Variants in RASGRF1 observed in about 807,000 individuals in gnomAD.
RASGRF1 encodes the protein ras-specific guanine nucleotide-releasing factor 1.
RASGRF1 carries 40 observed loss-of-function variants against 138.7 expected under a neutral mutation model. The ratio of observed to expected loss-of-function variants is 0.29; its 90% confidence interval spans 0.22 to 0.38. The LOEUF is 0.38. Among genes scored for constraint, RASGRF1 ranks in the 10% least tolerant of loss-of-function variants. RASGRF1 has a pLI of 1.00. For synonymous variants in RASGRF1, 614 were observed against 663.2 expected, an observed-to-expected ratio of 0.93 and a Z score of 1.14; for missense variants, 1,108 against 1,650.4, an observed-to-expected ratio of 0.67 and a Z score of 5.69.
intron 22 of RASGRF1, among the ~76,000 whole-genome samples, chr15:78,988,518 C>A (rs1262770945): frequency 6.6e-6 from 1 of 152,216 alleles, no homozygotes; most frequent in Non-Finnish European, 1.5e-5. Context: ...GCCTAGGAGG[C>A]CCCAAAGGGC....
At chr15:79,069,157 C>A (rs1257323759) in intron 1 of RASGRF1, among the ~76,000 whole-genome samples, 1 of 152,158 alleles carries the variant, frequency 6.6e-6, no homozygotes, top group Non-Finnish European at 1.5e-5. Context: ...ACTCTAGAAC[C>A]CTGCACAGAG....
intron 8 of RASGRF1, among the ~76,000 whole-genome samples, chr15:79,028,532 C>T (rs928566826): frequency 1.3e-5 from 2 of 152,052 alleles, no homozygotes; most frequent in Non-Finnish European, 2.9e-5. Context: ...TGTAATACCC[C>T]TCCTCTCCAA....
At chr15:79,062,199 C>T (rs778821600) in intron 2 of RASGRF1, among the ~76,000 whole-genome samples, 29 of 152,218 alleles carry the variant, frequency 1.9e-4, no homozygotes, top group Non-Finnish European at 3.8e-4. Context: ...AGTTAGAATT[C>T]TATAATACTT....
chr15:79,090,144 C>A, intron 1 of RASGRF1, 79 bp downstream of exon 1: 2 of 1,456,340 alleles, frequency 1.4e-6, no homozygotes, highest in Non-Finnish European at 1.8e-6. Flanking sequence ...AGTTCAAGCG[C>A]CATCAGCCAG....
At chr15:78,990,162 G>A (rs1481991373) in intron 22 of RASGRF1, 27 bp downstream of exon 22, 6 of 1,527,280 alleles carry the variant, frequency 3.9e-6, no homozygotes, top group Admixed American at 1.7e-5. Context: ...AAACCCCAGT[G>A]AGAGAGGCGC....
intron 5 of RASGRF1, among the ~76,000 whole-genome samples, chr15:79,041,361 G>A (rs1386753451): frequency 3.3e-5 from 5 of 152,160 alleles, no homozygotes; most frequent in Non-Finnish European, 4.4e-5. Flanking sequence ...GTGCACAGCT[G>A]GTGCAGCTGT....
In RASGRF1 at chr15:78,973,040, G is replaced by A. The variant is rs1300684603; in HGVS notation, c.3612+263C>T. 3.3e-5 allele frequency among the ~76,000 whole-genome samples: 5 copies of A among 152,184 alleles called. No homozygotes were observed. The highest frequency in any genetic ancestry group is 3.3e-4 in the Admixed American group (5 of 15,274). On this transcript the variant is annotated intron_variant, in intron 25 of 26. Coordinates refer to ENST00000558480, the MANE Select transcript of RASGRF1 (RefSeq NM_001145648.3). The surrounding 1 kb of genome is among the most constrained non-coding windows in gnomAD (Gnocchi z 4.9). ...GCCTCAGTCTGCTCATCTGAAAGGT[G>A]CAGAATAAGAAGAGCAGCTACCTCT...
At chr15:79,041,668 G>A (rs1230002242) in intron 5 of RASGRF1, among the ~76,000 whole-genome samples, 1 of 152,168 alleles carries the variant, frequency 6.6e-6, no homozygotes, top group East Asian at 1.9e-4. Context: ...ATTTTGCCTG[G>A]TTCCCTCCCT....
chr15:79,088,476 C>G (rs1218725404), intron 1 of RASGRF1, among the ~76,000 whole-genome samples: 1 of 152,212 alleles, frequency 6.6e-6, no homozygotes, highest in African/African-American at 2.4e-5. Context: ...TGAAGTCACA[C>G]AGCCAGGAAG....
In RASGRF1 at chr15:78,998,268, C is replaced by T. The variant is rs943536803; in HGVS notation, c.2854-60G>A. Reference sequence around the variant, plus strand: ...TGTTTTTGAGCTGCTCTGCAGTGGTCTGGGCCCAGGCCAGAGGAAGGAGCT... The same window carrying T: ...TGTTTTTGAGCTGCTCTGCAGTGGTTTGGGCCCAGGCCAGAGGAAGGAGCT... On this transcript the variant is annotated intron_variant, in intron 18 of 26. Coordinates refer to ENST00000558480, the MANE Select transcript of RASGRF1 (RefSeq NM_001145648.3). 3.6e-6 allele frequency: 5 copies of T among 1,401,060 alleles called. No homozygotes were observed. The African/African-American group carries it at 7.1e-5, about 20-fold the overall frequency. 86.8% of individuals were successfully genotyped at this position (1,401,060 alleles called of 1,614,324 possible).
Position 79,003,983 on chromosome 15 carries a change from C to T in RASGRF1, c.2268G>A (p.Leu756=). The T allele has an allele frequency of 6.2e-7, 1 of 1,614,128 alleles. No homozygotes were observed. Among genetic ancestry groups the T allele is most frequent in the Non-Finnish European group, 8.5e-7 (1 of 1,180,010 alleles). Reference sequence around the variant, plus strand: ...CATTGGAGTTGCAGCTGAGGGCGGCCAGGTCCAGGGCCTTGCCGCCAGTGA... The same window carrying T: ...CATTGGAGTTGCAGCTGAGGGCGGCTAGGTCCAGGGCCTTGCCGCCAGTGA... ...PIITGGKALD[L]AALSCNSNGY... The change falls in exon 15 of 27, where the codon CTG becomes CTA. Residue 756 remains leucine (L), a synonymous_variant. Coordinates refer to ENST00000558480, the MANE Select transcript of RASGRF1 (RefSeq NM_001145648.3).
chr15:79,063,449 T>C (rs2057635667), intron 2 of RASGRF1, among the ~76,000 whole-genome samples: 1 of 152,240 alleles, frequency 6.6e-6, no homozygotes, highest in African/African-American at 2.4e-5. Context: ...CACACATACT[T>C]TTAACTTGTC....
intron 5 of RASGRF1, among the ~76,000 whole-genome samples, chr15:79,039,839 G>A (rs996771501): frequency 1.1e-4 from 16 of 150,454 alleles, no homozygotes; most frequent in African/African-American, 3.4e-4. Context: ...GTGTGATCTC[G>A]GCTCACTGTA....
intron 1 of RASGRF1, among the ~76,000 whole-genome samples, chr15:79,076,042 G>T (rs550491206): frequency 6.6e-6 from 1 of 152,342 alleles, no homozygotes; most frequent in Admixed American, 6.5e-5. Flanking sequence ...CAACATGCAT[G>T]TCAGCTGTAT....
Position 79,017,911 on chromosome 15 carries a change from C to T in RASGRF1, c.1607-5G>A. 1 of 1,611,516 alleles carries T rather than the reference C, an allele frequency of 6.2e-7. No homozygotes were observed. Among genetic ancestry groups the T allele is most frequent in the Non-Finnish European group, 8.5e-7 (1 of 1,179,250 alleles). On this transcript the variant is annotated splice_region_variant and splice_polypyrimidine_tract_variant and intron_variant, in intron 11 of 26. Coordinates refer to ENST00000558480, the MANE Select transcript of RASGRF1 (RefSeq NM_001145648.3). ...TGTCTTGGCCGGATCCTTTGGCTTC[C>T]AGTTGTAAAACATAAAGTTAGCAGC...
chr15:79,024,983 AACAC>A lies in RASGRF1; in HGVS notation c.1542+327_1542+330del, dbSNP rs1295992981. Among the ~76,000 whole-genome samples the A allele has an allele frequency of 6.6e-5, 10 of 151,626 alleles. No individual in the cohort carries two copies. The South Asian group carries it at 2.1e-3, about 32-fold the overall frequency. ...AAAACACCACACATACATACACACA[AACAC>A]ACACAGACACACACACATGCACACA... On this transcript the variant is annotated intron_variant, in intron 10 of 26. Coordinates refer to ENST00000558480, the MANE Select transcript of RASGRF1 (RefSeq NM_001145648.3).
At chr15:78,997,900 AAAG>A in intron 19 of RASGRF1, 193 bp downstream of exon 19, 1 of 587,370 alleles carries the variant, frequency 1.7e-6, no homozygotes, top group East Asian at 2.9e-5. Flanking sequence ...GGGAGAGAGG[AAAG>A]AAGGACAAAT....
At chr15:79,035,775 A>G (rs1438354610) in intron 5 of RASGRF1, among the ~76,000 whole-genome samples, 1 of 152,128 alleles carries the variant, frequency 6.6e-6, no homozygotes, top group Non-Finnish European at 1.5e-5. Flanking sequence ...TGAAGGTGAA[A>G]TGAGGAATCC....
chr15:79,090,188 G>T, intron 1 of RASGRF1, 35 bp downstream of exon 1: 1 of 1,557,858 alleles, frequency 6.4e-7, no homozygotes, highest in Non-Finnish European at 8.6e-7. Flanking sequence ...CCGCGGCCGG[G>T]ACGCAGGGAG....
Sources: allele counts gnomAD v4.1 joint callset (sites outside exome capture counted in the v4.1 genomes callset), GRCh38; gene constraint gnomAD v4.1.1; non-coding constraint Gnocchi (gnomAD v3.1); transcripts MANE v1.5; gene names NCBI Gene and HGNC (gene_info 2026-07-23, HGNC 2026-07-21).